Variants in FOXN2 observed in about 807,000 individuals in gnomAD.
The protein encoded by FOXN2 is forkhead box protein N2.
A neutral mutation model predicts 41.2 loss-of-function variants in FOXN2; 19 were observed. The observed-to-expected ratio is 0.46, with a 90% CI of 0.32 to 0.68. The LOEUF (loss-of-function observed/expected upper bound fraction) is 0.68. Among genes scored for constraint, FOXN2 ranks in the 30% least tolerant of loss-of-function variants. The probability of loss-of-function intolerance (pLI) is 0.03; values close to 1 mark genes in which losing one functional copy is unlikely to be tolerated. For missense variants in FOXN2, 587 were observed against 509.4 expected, an observed-to-expected ratio of 1.15 and a Z score of -1.47; for synonymous variants, 195 against 176.8, an observed-to-expected ratio of 1.10 and a Z score of -0.82.
At chr2:48,370,314 C>T (rs937882855) in intron 5 of FOXN2, among the ~76,000 whole-genome samples, 1 of 152,182 alleles carries the variant, frequency 6.6e-6, no homozygotes, top group African/African-American at 2.4e-5. Flanking sequence ...CAGGCTTCAT[C>T]CTAAAAGACA....
intron 3 of FOXN2, among the ~76,000 whole-genome samples, chr2:48,354,474 C>T (rs1671656461): frequency 6.6e-6 from 1 of 152,144 alleles, no homozygotes; most frequent in African/African-American, 2.4e-5. Context: ...GTGGCGTGTG[C>T]CTGTAATCCC....
At position 48,331,875 on chromosome 2, in the gene FOXN2, A is replaced by AT. The variant is rs909195888; in HGVS notation, c.-15+3181dup. ...CATGAGAATTTCTGAACTTAGCTGG[A>AT]TTTTTTTTGGTCATTAAATATATAT... On this transcript the variant is annotated intron_variant, in intron 2 of 6. Coordinates refer to ENST00000340553, the MANE Select transcript of FOXN2 (RefSeq NM_002158.4). 4.4e-3 allele frequency among the ~76,000 whole-genome samples: 663 copies of AT among 151,252 alleles called. 5 individuals carry two copies. Among genetic ancestry groups the AT allele is most frequent in the African/African-American group, 0.015 (618 of 41,280 alleles).
chr2:48,375,525 G>T lies in FOXN2; in HGVS notation c.*82G>T. The T allele has an allele frequency of 7.7e-7, 1 of 1,297,640 alleles. No homozygotes were observed. The allele number at this position is 1,297,640 out of a possible 1,614,324, so 80.4% of individuals were successfully genotyped here. A position where few individuals can be genotyped will look rare whatever the true frequency, so the allele number is the denominator to read the frequency against. On this transcript the variant is annotated 3_prime_UTR_variant, in exon 7 of 7. Transcript: ENST00000340553. ...GCCATAATGGACTTCATTAGTTTTA[G>T]GGTAGGGAAGGGATACTAATTACTT... is the stretch of plus-strand genomic sequence containing the variant.
intron 2 of FOXN2, among the ~76,000 whole-genome samples, chr2:48,344,270 G>A (rs886578618): frequency 2.6e-5 from 4 of 152,120 alleles, no homozygotes; most frequent in Non-Finnish European, 5.9e-5. Flanking sequence ...ATCCGTTATC[G>A]TTTGATCTTT....
At position 48,374,916 on chromosome 2, in the gene FOXN2, A is replaced by G. The variant is rs755667242; in HGVS notation, c.773-4A>G. 6.3e-7 allele frequency: 1 copy of G among 1,592,372 alleles called. No individual in the cohort carries two copies. The highest frequency in any genetic ancestry group is 1.8e-5 in the Admixed American group (1 of 56,490). On this transcript the variant is annotated splice_polypyrimidine_tract_variant and splice_region_variant and intron_variant, in intron 6 of 6. Coordinates refer to ENST00000340553, the MANE Select transcript of FOXN2 (RefSeq NM_002158.4). Reference sequence around the variant, plus strand: ...CCTATTGATGGAACTTTTATTTTCCACAGGTGAGAAGCCTCTTCCTCTTAA... The same window carrying G: ...CCTATTGATGGAACTTTTATTTTCCGCAGGTGAGAAGCCTCTTCCTCTTAA...
intron 1 of FOXN2, among the ~76,000 whole-genome samples, chr2:48,317,744 G>T (rs1333254648): frequency 1.3e-5 from 2 of 150,508 alleles, no homozygotes; most frequent in African/African-American, 4.9e-5. Context: ...AGTAGCTGGG[G>T]TTACAGGCCC....
intron 5 of FOXN2, among the ~76,000 whole-genome samples, chr2:48,366,109 C>G (rs1208306173): frequency 1.3e-5 from 2 of 152,154 alleles, no homozygotes; most frequent in African/African-American, 4.8e-5. Context: ...ATAATCCCAG[C>G]ACTTTGGGAG....
chr2:48,334,826 A>T (rs1193991987), intron 2 of FOXN2, among the ~76,000 whole-genome samples: 3 of 152,150 alleles, frequency 2.0e-5, no homozygotes, highest in Admixed American at 6.5e-5. Flanking sequence ...TGATATAGAA[A>T]TTATTTCCCT....
At chr2:48,315,965 T>G (rs1668886865) in intron 1 of FOXN2, among the ~76,000 whole-genome samples, 1 of 152,206 alleles carries the variant, frequency 6.6e-6, no homozygotes, top group Admixed American at 6.5e-5. Context: ...AGGAGGGCAG[T>G]TAAGTATTTA....
intron 1 of FOXN2, among the ~76,000 whole-genome samples, chr2:48,324,566 T>A (rs1222609271): frequency 6.6e-6 from 1 of 152,026 alleles, no homozygotes; most frequent in Non-Finnish European, 1.5e-5. Flanking sequence ...AAAACAAAAC[T>A]TGATGTGGTA....
In FOXN2 at chr2:48,349,830, C is replaced by T. The variant is rs143045196; in HGVS notation, c.537+3079C>T. Among the ~76,000 whole-genome samples, 290 of 152,146 alleles carry T rather than the reference C, an allele frequency of 1.9e-3. 1 individual carries two copies. Among genetic ancestry groups the T allele is most frequent in the African/African-American group, 6.1e-3 (253 of 41,542 alleles). On this transcript the variant is annotated intron_variant, in intron 3 of 6. Transcript: ENST00000340553. Reference sequence around the variant, plus strand: ...TGAGATGTAACATATGAACTCTTACCTTTGACAGAGCACAGAAATGGCAGT... The same window carrying T: ...TGAGATGTAACATATGAACTCTTACTTTTGACAGAGCACAGAAATGGCAGT...
intron 1 of FOXN2, among the ~76,000 whole-genome samples, chr2:48,320,183 T>A (rs1446851886): frequency 6.6e-6 from 1 of 152,178 alleles, no homozygotes; most frequent in African/African-American, 2.4e-5. Context: ...ATATACTACC[T>A]CTTTCTATGC....
At position 48,346,319 on chromosome 2, in the gene FOXN2, A is replaced by G. The variant is rs767475263; in HGVS notation, c.105A>G (p.Glu35=). 1 of 1,614,204 alleles carries G rather than the reference A, an allele frequency of 6.2e-7. No individual in the cohort carries two copies. Among genetic ancestry groups the G allele is most frequent in the Non-Finnish European group, 8.5e-7 (1 of 1,180,032 alleles). ...SQIYKMGSLP[E]AVDAARPKAT... ...TTTACAAAATGGGAAGCTTGCCTGA[A>G]GCTGTTGATGCTGCCAGGCCGAAGG... The change falls in exon 3 of 7, where the codon GAA becomes GAG. Residue 35 remains glutamate (E), a synonymous_variant. Coordinates refer to ENST00000340553, the MANE Select transcript of FOXN2 (RefSeq NM_002158.4).
chr2:48,319,652 C>T (rs1365248564), intron 1 of FOXN2, among the ~76,000 whole-genome samples: 9 of 147,990 alleles, frequency 6.1e-5, no homozygotes, highest in Non-Finnish European at 1.5e-5. Flanking sequence ...CACACTCAAC[C>T]CTGCTGGAGT....
intron 1 of FOXN2, among the ~76,000 whole-genome samples, chr2:48,321,008 C>CT (rs149213567): frequency 1.8e-4 from 26 of 147,324 alleles, no homozygotes; most frequent in Non-Finnish European, 2.6e-4. Flanking sequence ...CTTTTCTCTC[C>CT]TTTTTTTTTT....
intron 3 of FOXN2, among the ~76,000 whole-genome samples, chr2:48,357,612 A>G (rs906868935): frequency 1.3e-5 from 2 of 151,080 alleles, no homozygotes; most frequent in Admixed American, 6.6e-5. Context: ...AATTTTTTCT[A>G]TTTTTGTAGA....
chr2:48,334,435 A>G (rs992020704), intron 2 of FOXN2, among the ~76,000 whole-genome samples: 1 of 152,118 alleles, frequency 6.6e-6, no homozygotes, highest in African/African-American at 2.4e-5. Flanking sequence ...TGCTAAAATA[A>G]AGGATAATGT....
rs1387027081 is a variant in FOXN2 at position 48,378,098 on chromosome 2, T to C, written c.*2655T>C. 1 of 152,624 alleles carries C rather than the reference T, an allele frequency of 6.6e-6. No homozygotes were observed. Among genetic ancestry groups the C allele is most frequent in the East Asian group, 1.9e-4 (1 of 5,186 alleles). The allele number at this position is 152,624 out of a possible 1,614,324, so 9.5% of individuals were successfully genotyped here. ...TGTTGCAGCTGATTCCAGTTTATAA[T>C]AGATCCCTAGTAAAAAGCTTTGATT... is the stretch of plus-strand genomic sequence containing the variant. On this transcript the variant is annotated 3_prime_UTR_variant, in exon 7 of 7. Coordinates refer to ENST00000340553, the MANE Select transcript of FOXN2 (RefSeq NM_002158.4).
upstream of FOXN2, among the ~76,000 whole-genome samples, chr2:48,313,872 C>G (rs1489533104): frequency 6.6e-6 from 1 of 152,150 alleles, no homozygotes; most frequent in Non-Finnish European, 1.5e-5. Flanking sequence ...TAAAAAAAAT[C>G]TCCATTTTTC....
Sources: gnomAD v4.1 joint callset for allele counts (sites outside exome capture counted in the v4.1 genomes callset) on GRCh38, gnomAD v4.1.1 for gene constraint, MANE v1.5 for transcripts, NCBI Gene and HGNC (gene_info 2026-07-23, HGNC 2026-07-21) for gene names.